The following GNAI3 variants were observed in gnomAD, a reference collection of about 807,000 sequenced individuals.
GNAI3 encodes the protein guanine nucleotide-binding protein G(i) subunit alpha-3.
In GNAI3, 12 loss-of-function variants were observed where a neutral mutation model predicts 41.8. That is an observed-to-expected ratio of 0.29 (90% confidence interval 0.18 to 0.47). GNAI3 has a LOEUF of 0.47. Ranked by LOEUF, GNAI3 falls within the 20% of genes least tolerant of loss-of-function variation. GNAI3 has a pLI of 1.00. For missense variants in GNAI3, 360 were observed against 429.6 expected (o/e 0.84, Z 1.43); for synonymous variants, 132 against 146.5 (o/e 0.90, Z 0.71).
chr1:109,580,916 G>C (rs936712013), intron 4 of GNAI3, among the ~76,000 whole-genome samples: 2 of 152,146 alleles, frequency 1.3e-5, no homozygotes, highest in African/African-American at 4.8e-5. Flanking sequence ...AACGTTTCAG[G>C]ATTCTTGCCT....
At chr1:109,585,850 C>T (rs912538478) in intron 5 of GNAI3, among the ~76,000 whole-genome samples, 16 of 151,982 alleles carry the variant, frequency 1.1e-4, no homozygotes, top group Admixed American at 2.0e-4. Context: ...AATAAATATA[C>T]CATTATTATT....
intron 1 of GNAI3, among the ~76,000 whole-genome samples, chr1:109,571,427 CTG>C (rs1300229484): frequency 5.3e-5 from 8 of 152,312 alleles, no homozygotes; most frequent in East Asian, 3.9e-4. Flanking sequence ...CACTTACTAA[CTG>C]TGTAATTATA....
chr1:109,569,525 C>T (rs533346446), intron 1 of GNAI3, among the ~76,000 whole-genome samples: 4 of 152,120 alleles, frequency 2.6e-5, no homozygotes, highest in South Asian at 2.1e-4. Context: ...TTGGGGAAAA[C>T]GCAACAATGA....
Position 109,592,803 on chromosome 1 carries a change from A to C in GNAI3, c.*481A>C, listed in dbSNP as rs1270558512. 6.6e-6 allele frequency: 1 copy of C among 152,668 alleles called. No homozygotes were observed. Among genetic ancestry groups the C allele is most frequent in the East Asian group, 1.9e-4 (1 of 5,206 alleles). 9.5% of individuals were successfully genotyped at this position (152,668 alleles called of 1,614,324 possible). A position where few individuals can be genotyped will look rare whatever the true frequency, so the allele number is the denominator to read the frequency against. On this transcript the variant is annotated 3_prime_UTR_variant, in exon 9 of 9. Coordinates refer to ENST00000369851, the MANE Select transcript of GNAI3 (RefSeq NM_006496.4). ...ATGATGTGACCAGATCATCTTGAAA[A>C]TATTCCTCTTTAGTAGGAACTCTTT...
In GNAI3 at chr1:109,548,642, G is replaced by C; in HGVS notation, c.-79G>C. On this transcript the variant is annotated 5_prime_UTR_variant, in exon 1 of 9. Transcript: ENST00000369851. ...CGGAGAGGGCCACCGCCCAGCAATAGACGGTGCCTCAGCCTGCCGAGCCGC... is the reference window on the plus strand; with the variant it reads ...CGGAGAGGGCCACCGCCCAGCAATACACGGTGCCTCAGCCTGCCGAGCCGC... 1.0e-6 allele frequency: 1 copy of C among 959,194 alleles called. No homozygotes were observed. Among genetic ancestry groups the C allele is most frequent in the South Asian group, 1.4e-5 (1 of 72,146 alleles). The allele number at this position is 959,194 out of a possible 1,614,324, so 59.4% of individuals were successfully genotyped here. A position where few individuals can be genotyped will look rare whatever the true frequency, so the allele number is the denominator to read the frequency against.
Position 109,561,508 on chromosome 1 carries a change from T to G in GNAI3, c.119-12229T>G, listed in dbSNP as rs979415607. On this transcript the variant is annotated intron_variant, in intron 1 of 8. Transcript: ENST00000369851. ...TTCTGCTCCAGGATCCAATCCAGGA[T>G]ACACCATTGCATTTAGTCAAGGCTA... Among the ~76,000 whole-genome samples, 3 of 152,226 alleles carry G rather than the reference T, an allele frequency of 2.0e-5. No homozygotes were observed. The East Asian group carries it at 5.8e-4, about 29-fold the overall frequency.
Position 109,591,450 on chromosome 1 carries a change from A to G in GNAI3, c.875-593A>G, listed in dbSNP as rs1649168352. The G allele has an allele frequency of 9.2e-6, 8 of 874,166 alleles. No homozygotes were observed. The South Asian group carries it at 1.1e-4, about 13-fold the overall frequency. The allele number at this position is 874,166 out of a possible 1,614,324, so 54.2% of individuals were successfully genotyped here. A position where few individuals can be genotyped will look rare whatever the true frequency, so the allele number is the denominator to read the frequency against. On this transcript the variant is annotated intron_variant, in intron 7 of 8. Transcript: ENST00000369851. ...ACTGTATCCTTCTCAACAATTTCTCACTTCATTGATCCTTTCTAGTTGGAG... is the reference window on the plus strand; with the variant it reads ...ACTGTATCCTTCTCAACAATTTCTCGCTTCATTGATCCTTTCTAGTTGGAG...
intron 7 of GNAI3, among the ~76,000 whole-genome samples, chr1:109,588,336 C>T (rs1359365713): frequency 4.0e-5 from 6 of 149,810 alleles, no homozygotes; most frequent in Admixed American, 2.0e-4. Context: ...GAGCCGAGAT[C>T]GCGCCACTGC....
At chr1:109,582,615 T>C (rs200850070) in intron 5 of GNAI3, 50 bp downstream of exon 5, 24 of 1,399,068 alleles carry the variant, frequency 1.7e-5, no homozygotes, top group Non-Finnish European at 6.1e-6. Flanking sequence ...GTATCTTTCA[T>C]TTTAGTTTAC....
chr1:109,590,695 C>T (rs936558907), intron 7 of GNAI3, among the ~76,000 whole-genome samples: 4 of 151,724 alleles, frequency 2.6e-5, no homozygotes, highest in African/African-American at 9.7e-5. Flanking sequence ...TGTGCCTCAG[C>T]TCTACTACAG....
chr1:109,582,917 A>G (rs1648931461), intron 5 of GNAI3, among the ~76,000 whole-genome samples: 1 of 152,230 alleles, frequency 6.6e-6, no homozygotes, highest in Admixed American at 6.5e-5. Context: ...ATAGGATAAC[A>G]ATATTAAACT....
chr1:109,552,443 T>C (rs1273162607), intron 1 of GNAI3, among the ~76,000 whole-genome samples: 2 of 152,168 alleles, frequency 1.3e-5, no homozygotes, highest in Non-Finnish European at 2.9e-5. Context: ...GGTTATTTAC[T>C]ATTTAAACAA....
intron 1 of GNAI3, among the ~76,000 whole-genome samples, chr1:109,553,668 C>G (rs1276688416): frequency 1.3e-5 from 2 of 152,130 alleles, no homozygotes; most frequent in Non-Finnish European, 2.9e-5. Context: ...GTTTTATAAG[C>G]ATGTATCATT....
intron 5 of GNAI3, among the ~76,000 whole-genome samples, chr1:109,584,322 A>G (rs1373864739): frequency 6.6e-6 from 1 of 152,260 alleles, no homozygotes; most frequent in Non-Finnish European, 1.5e-5. Context: ...GAATTTATTT[A>G]GCAAGAGCAG....
rs201044278 is a variant in GNAI3, at chr1:109,573,797, G to A, written c.161+18G>A. ...CAGATGAAGTAAGTTGGAATGTAGC[G>A]TTTTGTTAGACTAGGATTTCTCCTA... is the stretch of plus-strand genomic sequence containing the variant. On this transcript the variant is annotated intron_variant, in intron 2 of 8. Transcript: ENST00000369851. 477 of 1,607,454 alleles carry A rather than the reference G, an allele frequency of 3.0e-4. No homozygotes were observed. The highest frequency in any genetic ancestry group is 3.7e-4 in the Non-Finnish European group (437 of 1,173,986).
At chr1:109,555,729 T>C (rs554122446) in intron 1 of GNAI3, among the ~76,000 whole-genome samples, 1 of 152,314 alleles carries the variant, frequency 6.6e-6, no homozygotes, top group South Asian at 2.1e-4. Context: ...TTTTAGGCAG[T>C]TGTCTCTAAT....
intron 3 of GNAI3, among the ~76,000 whole-genome samples, chr1:109,576,714 G>T (rs1332118148): frequency 6.6e-6 from 1 of 151,924 alleles, no homozygotes; most frequent in Non-Finnish European, 1.5e-5. Context: ...AGAGACGGGG[G>T]TTTCTCCATG....
chr1:109,554,082 GT>G (rs1343281223), intron 1 of GNAI3, among the ~76,000 whole-genome samples: 4 of 5,592 alleles, frequency 7.2e-4, no homozygotes, highest in African/African-American at 1.8e-3. Context: ...GTAGAGGGGT[GT>G]GTGTGTGTGT....
At chr1:109,559,322 C>G (rs1648248322) in intron 1 of GNAI3, among the ~76,000 whole-genome samples, 1 of 152,200 alleles carries the variant, frequency 6.6e-6, no homozygotes, top group South Asian at 2.1e-4. Context: ...AAACACATCT[C>G]TTTGAACTGG....
Sources: allele counts gnomAD v4.1 joint callset (sites outside exome capture counted in the v4.1 genomes callset), GRCh38; gene constraint gnomAD v4.1.1; transcripts MANE v1.5; gene names NCBI Gene and HGNC (gene_info 2026-07-23, HGNC 2026-07-21).